The following ZNF653 variants were observed in gnomAD, a reference collection of about 807,000 sequenced individuals.
The protein encoded by ZNF653 is zinc finger protein 653.
A neutral mutation model predicts 59.9 loss-of-function variants in ZNF653; 37 were observed. The ratio of observed to expected loss-of-function variants is 0.62; its 90% CI spans 0.48 to 0.81. The LOEUF (loss-of-function observed/expected upper bound fraction) is 0.81. Ranked by LOEUF, ZNF653 falls within the 40% of genes least tolerant of loss-of-function variation. The pLI is 0.00. For missense variants in ZNF653, 808 were observed against 881.1 expected (o/e 0.92, Z 1.05); for synonymous variants, 435 against 371.8 (o/e 1.17, Z -1.96).
chr19:11,504,879 T>G (rs1451362628), intron 1 of ZNF653: 1 of 152,422 alleles, frequency 6.6e-6, no homozygotes, highest in Non-Finnish European at 1.5e-5. Flanking sequence ...CAGGCCTCTC[T>G]GCCCTCCACC....
intron 1 of ZNF653, among the ~76,000 whole-genome samples, chr19:11,503,047 G>GC (rs1971664104): frequency 6.6e-6 from 1 of 151,110 alleles, no homozygotes. Flanking sequence ...AAAAAAAAAG[G>GC]TGGGGGGGGC....
At chr19:11,490,897 C>T (rs1971523293) in intron 3 of ZNF653, among the ~76,000 whole-genome samples, 1 of 152,220 alleles carries the variant, frequency 6.6e-6, no homozygotes, top group Admixed American at 6.5e-5. Flanking sequence ...GTGTCCCTGA[C>T]TCAGCGGAAG....
intron 1 of ZNF653, among the ~76,000 whole-genome samples, chr19:11,499,321 G>A (rs1036619462): frequency 2.6e-5 from 4 of 152,210 alleles, no homozygotes; most frequent in African/African-American, 9.7e-5. Flanking sequence ...CCTGAGCGGG[G>A]CAGGCCTGTG....
At chr19:11,492,838 C>T (rs575697863) in intron 3 of ZNF653, among the ~76,000 whole-genome samples, 1 of 151,994 alleles carries the variant, frequency 6.6e-6, no homozygotes, top group Non-Finnish European at 1.5e-5. Context: ...CTCTGCCTCC[C>T]GGGTTCAAGT....
intron 2 of ZNF653, among the ~76,000 whole-genome samples, chr19:11,497,838 C>T (rs1300302201): frequency 6.6e-6 from 1 of 152,198 alleles, no homozygotes; most frequent in Non-Finnish European, 1.5e-5. Flanking sequence ...TAGCTCACCC[C>T]TGCCTCTGGA....
At chr19:11,494,381 A>AC (rs1555737004) in intron 3 of ZNF653, among the ~76,000 whole-genome samples, 1 of 132,912 alleles carries the variant, frequency 7.5e-6, no homozygotes, top group South Asian at 2.5e-4. Context: ...ACATAACATA[A>AC]AACATAACAT....
In ZNF653 at chr19:11,495,810, C is replaced by A; in HGVS notation, c.559+140G>T. On this transcript the variant is annotated intron_variant, in intron 3 of 8. Coordinates refer to ENST00000293771, the MANE Select transcript of ZNF653 (RefSeq NM_138783.4). This position sits in a 1 kb window ranked among gnomAD's most constrained non-coding sequence, Gnocchi z 4.9. ...CCACGAAGGACTCAGCCTGGCCCAT[C>A]GTGTCCCTGCTCTGCCCCAGTGCCA... is the stretch of plus-strand genomic sequence containing the variant. 1 of 860,406 alleles carries A rather than the reference C, an allele frequency of 1.2e-6. No homozygotes were observed. The highest frequency in any genetic ancestry group is 1.8e-6 in the Non-Finnish European group (1 of 560,282). 53.3% of individuals were successfully genotyped at this position (860,406 alleles called of 1,614,324 possible). A position where few individuals can be genotyped will look rare whatever the true frequency, so the allele number is the denominator to read the frequency against.
chr19:11,505,455 C>T, intron 1 of ZNF653, 33 bp downstream of exon 1: 2 of 1,387,674 alleles, frequency 1.4e-6, no homozygotes, highest in Non-Finnish European at 9.3e-7. Context: ...GGGGCGTCTC[C>T]TCCCTCCCTC....
At chr19:11,493,584 T>G (rs948947202) in intron 3 of ZNF653, among the ~76,000 whole-genome samples, 66 of 152,208 alleles carry the variant, frequency 4.3e-4, no homozygotes, top group Middle Eastern at 3.4e-3. Context: ...GGGCAAACTC[T>G]CTGGCACCAT....
chr19:11,484,394 T>TTG (rs761304647), intron 7 of ZNF653, among the ~76,000 whole-genome samples: 20 of 152,048 alleles, frequency 1.3e-4, no homozygotes, highest in Admixed American at 5.2e-4. Flanking sequence ...TGAATTTGTC[T>TTG]TGTGTGTGTG....
intron 2 of ZNF653, among the ~76,000 whole-genome samples, chr19:11,497,089 C>G (rs1971596323): frequency 6.6e-6 from 1 of 152,218 alleles, no homozygotes; most frequent in Admixed American, 6.5e-5. Flanking sequence ...CTCAGGTCTC[C>G]CCCAAATGCA....
chr19:11,491,483 G>A (rs1280305337), intron 3 of ZNF653, among the ~76,000 whole-genome samples: 3 of 152,210 alleles, frequency 2.0e-5, no homozygotes, highest in Non-Finnish European at 4.4e-5. Flanking sequence ...TCTGTTTCAG[G>A]AGGTGTTCCA....
intron 3 of ZNF653, among the ~76,000 whole-genome samples, chr19:11,489,110 G>A (rs1971503936): frequency 6.6e-6 from 1 of 151,806 alleles, no homozygotes; most frequent in Non-Finnish European, 1.5e-5. Context: ...ATGTTGGCCA[G>A]GCTAGCCTCA....
At chr19:11,499,382 G>C (rs1001361935) in intron 1 of ZNF653, among the ~76,000 whole-genome samples, 1 of 152,130 alleles carries the variant, frequency 6.6e-6, no homozygotes, top group South Asian at 2.1e-4. Flanking sequence ...TTAATCAAAC[G>C]GGAACATATC....
chr19:11,489,957 G>A (rs574889947), intron 3 of ZNF653, among the ~76,000 whole-genome samples: 7 of 152,280 alleles, frequency 4.6e-5, no homozygotes, highest in Admixed American at 6.5e-5. Context: ...TCCGATTCTC[G>A]ATGCCAACTG....
At chr19:11,496,561 T>TC (rs1211815952) in intron 2 of ZNF653, among the ~76,000 whole-genome samples, 1 of 151,854 alleles carries the variant, frequency 6.6e-6, no homozygotes, top group African/African-American at 2.4e-5. Context: ...TCAAGTCTGT[T>TC]CCCTCCTCTG....
chr19:11,499,580 C>T (rs1971622921), intron 1 of ZNF653, among the ~76,000 whole-genome samples: 1 of 136,698 alleles, frequency 7.3e-6, no homozygotes, highest in Non-Finnish European at 1.6e-5. Context: ...GCCTGGGCAA[C>T]ATAGCAAGAT....
At chr19:11,488,066 C>T (rs1339204243) in intron 3 of ZNF653, among the ~76,000 whole-genome samples, 163 bp from the exon 4 acceptor site, 1 of 151,784 alleles carries the variant, frequency 6.6e-6, no homozygotes, top group Non-Finnish European at 1.5e-5. Context: ...CAGCTCACTG[C>T]AACCTTGGCA....
chr19:11,485,545 C>T, intron 7 of ZNF653, 111 bp downstream of exon 7: 1 of 780,346 alleles, frequency 1.3e-6, no homozygotes, highest in Non-Finnish European at 2.2e-6. Context: ...GGGGTGTAGT[C>T]CTGTGCCCGG....
Sources: gnomAD v4.1 joint callset for allele counts (sites outside exome capture counted in the v4.1 genomes callset) on GRCh38, gnomAD v4.1.1 for gene constraint, Gnocchi (gnomAD v3.1) non-coding constraint, MANE v1.5 for transcripts, NCBI Gene and HGNC (gene_info 2026-07-23, HGNC 2026-07-21) for gene names.